PTPRT: variants seen among roughly 807,000 people sequenced by gnomAD.
PTPRT encodes the protein receptor-type tyrosine-protein phosphatase T.
In PTPRT, 56 loss-of-function variants were observed where a neutral mutation model predicts 176.8. The ratio of observed to expected loss-of-function variants is 0.32; its 90% CI spans 0.26 to 0.40. PTPRT has a LOEUF of 0.40. PTPRT is among the 10% of genes least tolerant of loss of function. PTPRT has a pLI of 1.00. For missense variants in PTPRT, 1,540 were observed against 1,908.2 expected (o/e 0.81, Z 3.60); for synonymous variants, 783 against 739.0 (o/e 1.06, Z -0.96).
Position 42,854,755 on chromosome 20 carries a change from C to T in PTPRT, c.214+31052G>A, listed in dbSNP as rs534255737. Among the ~76,000 whole-genome samples, 15 of 152,336 alleles carry T rather than the reference C, an allele frequency of 9.8e-5. No homozygotes were observed. The South Asian group carries it at 2.7e-3, about 27-fold the overall frequency. ...ATAAAGTTCATGGCTTATCTCCAAGCCTGCTTGCTTCCTCTCTGCCCAGAG... is the reference window on the plus strand; with the variant it reads ...ATAAAGTTCATGGCTTATCTCCAAGTCTGCTTGCTTCCTCTCTGCCCAGAG... On this transcript the variant is annotated intron_variant, in intron 2 of 30. Coordinates refer to ENST00000373187, the MANE Select transcript of PTPRT (RefSeq NM_007050.6).
chr20:42,475,380 C>T (rs2071271789), intron 7 of PTPRT, among the ~76,000 whole-genome samples: 1 of 152,162 alleles, frequency 6.6e-6, no homozygotes, highest in South Asian at 2.1e-4. Flanking sequence ...AATCTCACTA[C>T]CTGGGAGGAA....
chr20:42,069,955 A>G (rs989626573), downstream of PTPRT, among the ~76,000 whole-genome samples: 17 of 152,218 alleles, frequency 1.1e-4, no homozygotes, highest in Non-Finnish European at 2.4e-4. Context: ...GTCAATGATG[A>G]GTCCAGGCTC....
intron 7 of PTPRT, among the ~76,000 whole-genome samples, chr20:42,642,534 T>C (rs1367295252): frequency 6.6e-6 from 1 of 152,160 alleles, no homozygotes; most frequent in African/African-American, 2.4e-5. Flanking sequence ...TACAATGTGC[T>C]CACTCTGAGC....
At chr20:43,064,327 C>A (rs1987594938) in intron 1 of PTPRT, among the ~76,000 whole-genome samples, 2 of 152,132 alleles carry the variant, frequency 1.3e-5, no homozygotes, top group Admixed American at 6.5e-5. Flanking sequence ...AATCTTTAGT[C>A]CTGAATGACT....
At chr20:42,716,153 T>C (rs2076219418) in intron 6 of PTPRT, among the ~76,000 whole-genome samples, 1 of 152,100 alleles carries the variant, frequency 6.6e-6, no homozygotes, top group Non-Finnish European at 1.5e-5. Flanking sequence ...ACCCACAGCT[T>C]GAATAGAGAT....
chr20:42,110,925 A>G (rs1425015757), intron 22 of PTPRT, among the ~76,000 whole-genome samples: 1 of 152,210 alleles, frequency 6.6e-6, no homozygotes, highest in East Asian at 1.9e-4. Context: ...GAGGTCTGAT[A>G]TTCTGTAGTG....
intron 7 of PTPRT, among the ~76,000 whole-genome samples, chr20:42,533,421 C>G (rs1488723969): frequency 6.6e-6 from 1 of 152,146 alleles, no homozygotes; most frequent in African/African-American, 2.4e-5. Flanking sequence ...ATGGAGCTGA[C>G]AAGGAACCAT....
intron 7 of PTPRT, among the ~76,000 whole-genome samples, chr20:42,498,038 A>G (rs1230295974): frequency 6.6e-6 from 1 of 152,160 alleles, no homozygotes; most frequent in Non-Finnish European, 1.5e-5. Flanking sequence ...TGCTTCCAGC[A>G]TCACTAGTGG....
chr20:42,096,499 A>G (rs1985251481), intron 27 of PTPRT, among the ~76,000 whole-genome samples: 1 of 152,156 alleles, frequency 6.6e-6, no homozygotes, highest in Non-Finnish European at 1.5e-5. Context: ...GCTACATGGG[A>G]GGCTGAGGCA....
chr20:42,794,845 G>A (rs2077429646), intron 2 of PTPRT, among the ~76,000 whole-genome samples: 1 of 124,554 alleles, frequency 8.0e-6, no homozygotes. Context: ...ATCCAGCAAT[G>A]CTAGTGTAAG....
At chr20:42,614,906 T>G (rs6102952) in intron 7 of PTPRT, among the ~76,000 whole-genome samples, 22 of 150,602 alleles carry the variant, frequency 1.5e-4, no homozygotes, top group East Asian at 5.9e-4. Context: ...GAACTCTCGG[T>G]TTTTTTTGTT....
intron 1 of PTPRT, among the ~76,000 whole-genome samples, chr20:42,964,913 A>G (rs1568705467): frequency 6.6e-6 from 1 of 152,240 alleles, no homozygotes; most frequent in Non-Finnish European, 1.5e-5. Context: ...TAGATGCCAA[A>G]CTGTATTTGA....
intron 1 of PTPRT, among the ~76,000 whole-genome samples, chr20:42,913,822 C>T (rs1036248418): frequency 1.3e-5 from 2 of 152,144 alleles, no homozygotes; most frequent in Non-Finnish European, 2.9e-5. Context: ...CCAGTTGTCC[C>T]AAGCATTGGG....
intron 7 of PTPRT, among the ~76,000 whole-genome samples, chr20:42,624,020 C>T (rs1261395818): frequency 8.8e-6 from 1 of 114,112 alleles, no homozygotes; most frequent in Non-Finnish European, 1.8e-5. Context: ...AACAAACAAA[C>T]AAACAAAAAA....
intron 14 of PTPRT, among the ~76,000 whole-genome samples, chr20:42,245,722 G>T (rs1438634456): frequency 1.3e-5 from 2 of 152,216 alleles, no homozygotes; most frequent in East Asian, 3.9e-4. Flanking sequence ...ACAGTGGCAA[G>T]GAAGCTCTAA....
At chr20:42,247,097 A>G (rs2056464936) in intron 14 of PTPRT, among the ~76,000 whole-genome samples, 1 of 152,204 alleles carries the variant, frequency 6.6e-6, no homozygotes, top group South Asian at 2.1e-4. Context: ...CAATATTAAC[A>G]TAATACCTTC....
At chr20:42,942,061 A>C (rs563916495) in intron 1 of PTPRT, among the ~76,000 whole-genome samples, 2 of 152,248 alleles carry the variant, frequency 1.3e-5, no homozygotes, top group South Asian at 2.1e-4. Context: ...GCCCGGAAGA[A>C]AGAATACTCA....
intron 9 of PTPRT, among the ~76,000 whole-genome samples, chr20:42,380,030 T>C (rs896960866): frequency 6.6e-6 from 1 of 152,212 alleles, no homozygotes; most frequent in African/African-American, 2.4e-5. Flanking sequence ...CTGGCTCCCA[T>C]GAGTTCGATA....
chr20:42,408,043 G>C (rs2058978136), intron 9 of PTPRT, among the ~76,000 whole-genome samples: 1 of 152,060 alleles, frequency 6.6e-6, no homozygotes, highest in Admixed American at 6.6e-5. Flanking sequence ...ATGTATGAAT[G>C]AGCAAACTCA....
Sources: gnomAD v4.1 joint callset for allele counts (sites outside exome capture counted in the v4.1 genomes callset) on GRCh38, gnomAD v4.1.1 for gene constraint, MANE v1.5 for transcripts, NCBI Gene and HGNC (gene_info 2026-07-23, HGNC 2026-07-21) for gene names.